The following KLHL3 variants were observed in gnomAD, a reference collection of about 807,000 sequenced individuals.
KLHL3 encodes kelch like family member 3.
Under a neutral mutation model 70.5 loss-of-function variants are expected in KLHL3, and 19 were observed. The ratio of observed to expected loss-of-function variants is 0.27; its 90% CI spans 0.19 to 0.40. KLHL3 has a LOEUF of 0.40. KLHL3 is among the 10% of genes least tolerant of loss of function. KLHL3 has a pLI of 1.00. For synonymous variants in KLHL3, 258 were observed against 290.3 expected (o/e 0.89, Z 1.13); for missense variants, 512 against 771.1 (o/e 0.66, Z 3.98).
intron 2 of KLHL3, among the ~76,000 whole-genome samples, chr5:137,720,007 G>A (rs899876124): frequency 7.2e-5 from 11 of 152,084 alleles, no homozygotes; most frequent in Admixed American, 2.0e-4. Flanking sequence ...AGCAGAGTTC[G>A]AAAGGGGAAA....
chr5:137,671,017 A>C (rs1467141545), intron 6 of KLHL3, among the ~76,000 whole-genome samples: 4 of 151,854 alleles, frequency 2.6e-5, no homozygotes, highest in Admixed American at 6.6e-5. Flanking sequence ...ACACCTATAA[A>C]CATCTTGTAA....
chr5:137,668,856 C>G (rs972056405), intron 6 of KLHL3, among the ~76,000 whole-genome samples: 16 of 152,200 alleles, frequency 1.1e-4, no homozygotes, highest in South Asian at 2.1e-4. Context: ...AATGAATCAA[C>G]AGATGAATCA....
At chr5:137,635,422 T>G (rs1448168676) in intron 11 of KLHL3, among the ~76,000 whole-genome samples, 1 of 152,202 alleles carries the variant, frequency 6.6e-6, no homozygotes, top group Admixed American at 6.5e-5. Flanking sequence ...GAAATATCCA[T>G]AGCACACTCT....
chr5:137,679,913 A>C (rs964366759), intron 5 of KLHL3, among the ~76,000 whole-genome samples: 3 of 152,268 alleles, frequency 2.0e-5, no homozygotes, highest in Non-Finnish European at 4.4e-5. Context: ...GGGCATAAGC[A>C]GAAAGAGACA....
intron 2 of KLHL3, among the ~76,000 whole-genome samples, chr5:137,718,733 C>A (rs1309636475): frequency 6.6e-6 from 1 of 152,182 alleles, no homozygotes; most frequent in East Asian, 1.9e-4. Flanking sequence ...AAGACAAATT[C>A]TTCAGTTAAC....
chr5:137,657,330 C>T (rs1751368306), intron 8 of KLHL3, among the ~76,000 whole-genome samples: 1 of 152,154 alleles, frequency 6.6e-6, no homozygotes. Flanking sequence ...CACCTTTCCT[C>T]CTGGGTTGAC....
At chr5:137,678,254 G>A (rs1751935224) in intron 5 of KLHL3, among the ~76,000 whole-genome samples, 1 of 152,094 alleles carries the variant, frequency 6.6e-6, no homozygotes, top group African/African-American at 2.4e-5. Flanking sequence ...CTACCCCTAG[G>A]AACAGTCCAC....
intron 6 of KLHL3, among the ~76,000 whole-genome samples, chr5:137,666,413 A>G (rs1751615501): frequency 6.6e-6 from 1 of 152,210 alleles, no homozygotes; most frequent in Admixed American, 6.5e-5. Flanking sequence ...TGAGAAGTGT[A>G]CCAGCTCTGT....
intron 11 of KLHL3, 62 bp from the exon 12 acceptor site, chr5:137,634,227 C>G: frequency 6.6e-7 from 1 of 1,525,004 alleles, no homozygotes; most frequent in Non-Finnish European, 8.8e-7. Context: ...CAGAGCTCAG[C>G]TGAAACCCTA....
In KLHL3 at chr5:137,621,867, G is replaced by A; in HGVS notation, c.*231C>T. ...AAGCCCAAAGGTGCTGCCTGGGGAT[G>A]TCAAGACCCCCCTTGCTCAGGGCAT... is the stretch of plus-strand genomic sequence containing the variant. On this transcript the variant is annotated 3_prime_UTR_variant, in exon 15 of 15. Coordinates refer to ENST00000309755, the MANE Select transcript of KLHL3 (RefSeq NM_017415.3). 1.7e-6 allele frequency: 1 copy of A among 584,660 alleles called. No homozygotes were observed. The highest frequency in any genetic ancestry group is 2.8e-5 in the East Asian group (1 of 35,520). The allele number at this position is 584,660 out of a possible 1,614,324, so 36.2% of individuals were successfully genotyped here.
At chr5:137,671,337 G>C (rs1291215559) in intron 6 of KLHL3, among the ~76,000 whole-genome samples, 1 of 151,964 alleles carries the variant, frequency 6.6e-6, no homozygotes, top group African/African-American at 2.4e-5. Context: ...CAACAACCTG[G>C]AATAAAATAT....
At chr5:137,694,500 G>A (rs1372950228) in intron 4 of KLHL3, among the ~76,000 whole-genome samples, 3 of 152,116 alleles carry the variant, frequency 2.0e-5, no homozygotes, top group South Asian at 2.1e-4. Flanking sequence ...ATTAACCTGT[G>A]AGCTTGCTCA....
intron 5 of KLHL3, among the ~76,000 whole-genome samples, chr5:137,692,018 C>T (rs1002521205): frequency 1.3e-5 from 2 of 152,200 alleles, no homozygotes; most frequent in South Asian, 4.1e-4. Flanking sequence ...TCAGTTTGCT[C>T]TCCCCACTCC....
At chr5:137,720,300 CAA>C (rs796536128) in intron 2 of KLHL3, among the ~76,000 whole-genome samples, 163 bp downstream of exon 2, 7 of 124,352 alleles carry the variant, frequency 5.6e-5, no homozygotes, top group Non-Finnish European at 3.4e-5. Flanking sequence ...GATTCCGTCT[CAA>C]AAAAAAAAAA....
chr5:137,720,505 G>A lies in KLHL3; in HGVS notation c.94C>T (p.His32Tyr), dbSNP rs779439956. ...NQRTITVNPA[H>Y]MGKAFKVMNE... Reference sequence around the variant, plus strand: ...ATAACCTTGAATGCTTTCCCCATGTGGGCAGGGTTGACAGTGATCGTCCTC... The same window carrying A: ...ATAACCTTGAATGCTTTCCCCATGTAGGCAGGGTTGACAGTGATCGTCCTC... The change falls in exon 2 of 15, where the codon CAC (histidine) becomes TAC (tyrosine). Residue 32 changes from histidine (H) to tyrosine (Y), a missense_variant. Transcript: ENST00000309755. 2 of 1,614,128 alleles carry A rather than the reference G, an allele frequency of 1.2e-6. No individual in the cohort carries two copies. Among genetic ancestry groups the A allele is most frequent in the Non-Finnish European group, 1.7e-6 (2 of 1,180,010 alleles).
At chr5:137,636,156 T>C (rs1750761533) in intron 11 of KLHL3, among the ~76,000 whole-genome samples, 1 of 152,166 alleles carries the variant, frequency 6.6e-6, no homozygotes, top group Admixed American at 6.5e-5. Flanking sequence ...TGCCCTCACA[T>C]AGATGACTTA....
chr5:137,708,824 G>A (rs546532363), intron 3 of KLHL3, among the ~76,000 whole-genome samples: 1 of 152,268 alleles, frequency 6.6e-6, no homozygotes, highest in Admixed American at 6.5e-5. Flanking sequence ...TACAGGGCAT[G>A]GGCATTATAG....
chr5:137,722,678 A>G (rs1753018672), intron 1 of KLHL3, among the ~76,000 whole-genome samples: 1 of 152,196 alleles, frequency 6.6e-6, no homozygotes, highest in South Asian at 2.1e-4. Context: ...TTCATCTGAT[A>G]CTTATTTTTT....
intron 1 of KLHL3, among the ~76,000 whole-genome samples, chr5:137,723,354 T>C (rs1010187966): frequency 2.0e-5 from 3 of 152,240 alleles, no homozygotes; most frequent in Admixed American, 6.5e-5. Flanking sequence ...ATTTTTCTGA[T>C]ACTATGCCCT....
Sources: gnomAD v4.1 joint callset for allele counts (sites outside exome capture counted in the v4.1 genomes callset) on GRCh38, gnomAD v4.1.1 for gene constraint, MANE v1.5 for transcripts, NCBI Gene and HGNC (gene_info 2026-07-23, HGNC 2026-07-21) for gene names.